The following SGK1 variants were observed in gnomAD, a reference collection of about 807,000 sequenced individuals.
SGK1 encodes serine/threonine-protein kinase Sgk1.
SGK1 carries 26 observed loss-of-function variants against 64.2 expected under a neutral mutation model. The ratio of observed to expected loss-of-function variants is 0.40; its 90% CI spans 0.30 to 0.56. SGK1 has a LOEUF of 0.56. SGK1 is among the 20% of genes least tolerant of loss of function. The pLI is 0.38. For synonymous variants in SGK1, 265 were observed against 239.7 expected (o/e 1.11, Z -0.98); for missense variants, 519 against 645.6 (o/e 0.80, Z 2.12).
intron 1 of SGK1, among the ~76,000 whole-genome samples, chr6:134,281,027 C>A (rs1389841516): frequency 1.3e-5 from 2 of 152,172 alleles, no homozygotes; most frequent in Non-Finnish European, 2.9e-5. Flanking sequence ...AAGATCGCAC[C>A]ATTGCACTCC....
intron 3 of SGK1, among the ~76,000 whole-genome samples, chr6:134,202,252 C>T (rs559456051): frequency 6.2e-4 from 95 of 152,192 alleles, no homozygotes; most frequent in African/African-American, 2.1e-3. Flanking sequence ...CCATATCTAG[C>T]AAAAATATCC....
Position 134,169,990 on chromosome 6 carries a change from C to T in SGK1, c.*278G>A, listed in dbSNP as rs576227178. 73 of 236,356 alleles carry T rather than the reference C, an allele frequency of 3.1e-4. No homozygotes were observed. The highest frequency in any genetic ancestry group is 1.8e-3 in the Admixed American group (35 of 19,064). 14.6% of individuals were successfully genotyped at this position (236,356 alleles called of 1,614,324 possible). A position where few individuals can be genotyped will look rare whatever the true frequency, so the allele number is the denominator to read the frequency against. On this transcript the variant is annotated 3_prime_UTR_variant, in exon 14 of 14. Coordinates refer to ENST00000367858, the MANE Select transcript of SGK1 (RefSeq NM_001143676.3). Reference sequence around the variant, plus strand: ...TTTTAGAACAGCGTCCGCTTTCTAACGAAACTCCTGCCTCCGTCTAAGGCG... The same window carrying T: ...TTTTAGAACAGCGTCCGCTTTCTAATGAAACTCCTGCCTCCGTCTAAGGCG...
At chr6:134,254,199 A>G (rs1044313968) in intron 2 of SGK1, among the ~76,000 whole-genome samples, 5 of 151,758 alleles carry the variant, frequency 3.3e-5, no homozygotes, top group African/African-American at 1.2e-4. Flanking sequence ...AGAGCACACT[A>G]ACTTTAGCAC....
intron 2 of SGK1, among the ~76,000 whole-genome samples, chr6:134,229,057 T>C (rs185495610): frequency 6.6e-6 from 1 of 152,300 alleles, no homozygotes; most frequent in Non-Finnish European, 1.5e-5. Context: ...GGTCTCGATC[T>C]CCTGACCTCG....
intron 2 of SGK1, among the ~76,000 whole-genome samples, chr6:134,212,612 G>A (rs149499380): frequency 7.1e-4 from 108 of 152,174 alleles, no homozygotes; most frequent in African/African-American, 2.5e-3. Context: ...TTAGATAATA[G>A]TCACAAAACT....
intron 2 of SGK1, among the ~76,000 whole-genome samples, chr6:134,250,045 A>T (rs1056713054): frequency 7.2e-5 from 11 of 152,054 alleles, no homozygotes; most frequent in African/African-American, 2.4e-4. Flanking sequence ...AAGTTCCTGA[A>T]TTTTTTTTCT....
At chr6:134,191,835 AT>A (rs71003671) in intron 3 of SGK1, among the ~76,000 whole-genome samples, 26 of 61,202 alleles carry the variant, frequency 4.2e-4, no homozygotes, top group Admixed American at 7.3e-4. Flanking sequence ...CGCCCGGCTG[AT>A]TTTTTTTTTT....
At chr6:134,198,726 ATTTT>A (rs1178699258) in intron 3 of SGK1, among the ~76,000 whole-genome samples, 7 of 101,786 alleles carry the variant, frequency 6.9e-5, no homozygotes, top group African/African-American at 1.5e-4. Flanking sequence ...CTCTTTTTCT[ATTTT>A]TTTTTTTTTT....
At chr6:134,180,850 C>A (rs866191621) in intron 3 of SGK1, among the ~76,000 whole-genome samples, 20 of 135,926 alleles carry the variant, frequency 1.5e-4, no homozygotes, top group Middle Eastern at 3.8e-3. Context: ...CTCGCCGGGG[C>A]AACAAAGTGA....
chr6:134,247,399 C>T (rs866881525), intron 2 of SGK1, among the ~76,000 whole-genome samples: 3 of 152,176 alleles, frequency 2.0e-5, no homozygotes, highest in African/African-American at 4.8e-5. Flanking sequence ...GGGGGCCTCC[C>T]GTAAAATTTA....
At position 134,170,040 on chromosome 6, in the gene SGK1, T is replaced by TAGCACCACGTTGGAAGG. The variant is rs1248947510; in HGVS notation, c.*211_*227dup. 1 of 351,246 alleles carries TAGCACCACGTTGGAAGG rather than the reference T, an allele frequency of 2.8e-6. No individual in the cohort carries two copies. The highest frequency in any genetic ancestry group is 2.0e-5 in the African/African-American group (1 of 49,078). 21.8% of individuals were successfully genotyped at this position (351,246 alleles called of 1,614,324 possible). ...GGCACTCTAACGCTCGTTTCAGAGATAGCACCACGTTGGAAGGAAGAATAA... is the reference window on the plus strand; with the variant it reads ...GGCACTCTAACGCTCGTTTCAGAGATAGCACCACGTTGGAAGGAGCACCACGTTGGAAGGAAGAATAA... On this transcript the variant is annotated 3_prime_UTR_variant, in exon 14 of 14. Transcript: ENST00000367858.
intron 3 of SGK1, chr6:134,175,474 C>A: frequency 7.5e-7 from 1 of 1,337,370 alleles, no homozygotes; most frequent in South Asian, 1.9e-5. Flanking sequence ...CCGACGAAAG[C>A]CGGCCCCTGC....
chr6:134,177,026 T>G (rs752432913), intron 3 of SGK1, among the ~76,000 whole-genome samples: 1 of 152,144 alleles, frequency 6.6e-6, no homozygotes, highest in Non-Finnish European at 1.5e-5. Flanking sequence ...CCATCCTGGC[T>G]AACATGGTGA....
chr6:134,301,536 C>T (rs866589526), intron 1 of SGK1, among the ~76,000 whole-genome samples: 24 of 19,772 alleles, frequency 1.2e-3, no homozygotes, highest in African/African-American at 8.3e-3. Context: ...CTCTTTTCTT[C>T]TCTTCTCTTC....
At chr6:134,261,837 A>T (rs2114748225) in intron 2 of SGK1, 96 bp downstream of exon 2, 1 of 882,752 alleles carries the variant, frequency 1.1e-6, no homozygotes, top group South Asian at 1.3e-5. Context: ...TATGCATTAA[A>T]AAATTATTTT....
chr6:134,236,120 G>A (rs1776361494), intron 2 of SGK1, among the ~76,000 whole-genome samples: 2 of 151,998 alleles, frequency 1.3e-5, no homozygotes, highest in South Asian at 2.1e-4. Context: ...TACAGTAAAG[G>A]GATTGTAGTA....
At chr6:134,232,473 A>AAGAAAGAAAGAAAGAAAGAAAG (rs1562259828) in intron 2 of SGK1, among the ~76,000 whole-genome samples, 12 of 96,168 alleles carry the variant, frequency 1.2e-4, no homozygotes, top group Non-Finnish European at 1.6e-4. Flanking sequence ...GAAAGAAAGA[A>AAGAAAGAAAGAAAGAAAGAAAG]AGAAAGAAAG....
chr6:134,275,746 T>A (rs1034021632), intron 1 of SGK1, among the ~76,000 whole-genome samples: 2 of 152,218 alleles, frequency 1.3e-5, no homozygotes, highest in Admixed American at 1.3e-4. Context: ...GTGCCCGGAA[T>A]GCATCCAGAC....
At chr6:134,226,658 C>A (rs935102341) in intron 2 of SGK1, among the ~76,000 whole-genome samples, 5 of 150,222 alleles carry the variant, frequency 3.3e-5, no homozygotes, top group East Asian at 2.0e-4. Flanking sequence ...TGTGCCACTG[C>A]ACTCAAGCCT....
Sources: gnomAD v4.1 joint callset for allele counts (sites outside exome capture counted in the v4.1 genomes callset) on GRCh38, gnomAD v4.1.1 for gene constraint, MANE v1.5 for transcripts, NCBI Gene and HGNC (gene_info 2026-07-23, HGNC 2026-07-21) for gene names.